Variants in COCH observed in about 807,000 individuals in gnomAD.
COCH encodes coagulation factor C homolog, cochlin (Limulus polyphemus).
Under a neutral mutation model 54.8 loss-of-function variants are expected in COCH, and 40 were observed. The observed-to-expected ratio is 0.73, with a 90% CI of 0.57 to 0.95. The LOEUF (loss-of-function observed/expected upper bound fraction) is 0.95. Among genes scored for constraint, COCH ranks in the 40% least tolerant of loss-of-function variants. COCH has a pLI of 0.00. For missense variants in COCH, 605 were observed against 675.0 expected (o/e 0.90, Z 1.15); for synonymous variants, 256 against 237.9 (o/e 1.08, Z -0.70).
Position 30,889,757 on chromosome 14 carries a change from G to C in COCH, c.1619G>C (p.Gly540Ala), listed in dbSNP as rs748322615. ...CCAATTGTTTCTGATGTCATCAGAG[G>C]CATTTGTAGAGATTTCTTAGAATCC... ...LEPIVSDVIR[G>A]ICRDFLESQQ The change falls in exon 12 of 12, where the codon GGC (glycine) becomes GCC (alanine). Residue 540 changes from glycine (G) to alanine (A), a missense_variant. By Grantham distance (60) the Gly-to-Ala change is moderately conservative. Transcript: ENST00000396618. 6.2e-7 allele frequency: 1 copy of C among 1,611,102 alleles called. No homozygotes were observed. Among genetic ancestry groups the C allele is most frequent in the South Asian group, 1.1e-5 (1 of 90,976 alleles).
chr14:30,892,631 A>AG (rs935796837), downstream of COCH, among the ~76,000 whole-genome samples: 2 of 152,206 alleles, frequency 1.3e-5, no homozygotes, highest in African/African-American at 4.8e-5. Flanking sequence ...AACATGGTAA[A>AG]GCCCTGTCTC....
chr14:30,880,630 T>C lies in COCH; in HGVS notation c.525T>C (p.Asn175=), dbSNP rs1237569439. 3 of 1,614,014 alleles carry C rather than the reference T, an allele frequency of 1.9e-6. No homozygotes were observed. The highest frequency in any genetic ancestry group is 2.5e-6 in the Non-Finnish European group (3 of 1,180,038). The change falls in exon 8 of 12, where the codon AAT becomes AAC. Residue 175 remains asparagine, a synonymous_variant. Coordinates refer to ENST00000396618, the MANE Select transcript of COCH (RefSeq NM_004086.3). ...CATTTCTGATTGATGGAAGCTTTAA[T>C]ATTGGGCAGCGCCGATTTAATTTAC... The part of the protein sequence containing the change: ...DIAFLIDGSF[N]IGQRRFNLQK...
chr14:30,884,431 C>A, intron 8 of COCH, 122 bp from the exon 9 acceptor site: 1 of 703,214 alleles, frequency 1.4e-6, no homozygotes, highest in Non-Finnish European at 2.6e-6. Flanking sequence ...TGACTATGTA[C>A]TATGGAATTA....
chr14:30,883,942 C>T (rs990847381), intron 8 of COCH, among the ~76,000 whole-genome samples: 29 of 152,114 alleles, frequency 1.9e-4, no homozygotes, highest in South Asian at 4.2e-4. Flanking sequence ...AAAATGTTGA[C>T]GGTCACATCA....
At chr14:30,895,224 T>C (rs957962162), downstream of COCH, 4 of 621,602 alleles carry the variant, frequency 6.4e-6, no homozygotes, top group South Asian at 1.1e-4. Context: ...TCCCACAAAA[T>C]ACAGTAATTA....
At chr14:30,880,529 C>CA (rs1403783979) in intron 7 of COCH, 33 bp downstream of exon 7, 9 of 1,613,968 alleles carry the variant, frequency 5.6e-6, no homozygotes, top group Non-Finnish European at 7.6e-6. Flanking sequence ...GGGAAGGTAG[C>CA]ATTTTCCCTC....
intron 9 of COCH, chr14:30,884,946 A>C (rs548206246): frequency 5.0e-6 from 8 of 1,598,262 alleles, no homozygotes; most frequent in Non-Finnish European, 6.8e-6. Flanking sequence ...GTAATGCTAA[A>C]AAGAAGTGAA....
In COCH at chr14:30,874,565, G is replaced by A. The variant is rs534136766; in HGVS notation, c.-50G>A. ...CGCGGGGGCCTTGCCTTCCGCACTCGGGCGCAGCCGGGTGGATCTCGAGCA... is the reference window on the plus strand; with the variant it reads ...CGCGGGGGCCTTGCCTTCCGCACTCAGGCGCAGCCGGGTGGATCTCGAGCA... On this transcript the variant is annotated 5_prime_UTR_variant, in exon 1 of 12. Coordinates refer to ENST00000396618, the MANE Select transcript of COCH (RefSeq NM_004086.3). 7.0e-5 allele frequency: 29 copies of A among 411,876 alleles called. No individual in the cohort carries two copies. Among genetic ancestry groups the A allele is most frequent in the Admixed American group, 3.5e-4 (9 of 26,048 alleles). 25.5% of individuals were successfully genotyped at this position (411,876 alleles called of 1,614,324 possible).
chr14:30,885,673 C>T (rs1372115927), intron 10 of COCH, 53 bp downstream of exon 10: 1 of 1,464,588 alleles, frequency 6.8e-7, no homozygotes, highest in Non-Finnish European at 9.6e-7. Context: ...CCATTTTGGA[C>T]CTCTAAGTGC....
At chr14:30,894,390 G>C (rs1896071844), downstream of COCH, 1 of 152,496 alleles carries the variant, frequency 6.6e-6, no homozygotes, top group Non-Finnish European at 1.5e-5. Context: ...TAGATATACA[G>C]GTTCCTTTAG....
rs774012347 is a variant in COCH at position 30,875,063 on chromosome 14, T to TCTG, written c.53_55dup (p.Leu18dup). 3.7e-6 allele frequency: 6 copies of TCTG among 1,607,260 alleles called. No homozygotes were observed. Among genetic ancestry groups the TCTG allele is most frequent in the East Asian group, 2.2e-5 (1 of 44,692 alleles). On this transcript the variant is annotated inframe_insertion, in exon 3 of 12. Coordinates refer to ENST00000396618, the MANE Select transcript of COCH (RefSeq NM_004086.3). ...ACGCTTCTCTCTTCGCAGGTGTGTGTCTGCTGCTGCTGCCGGGGCCCGCGG... is the reference window on the plus strand; with the variant it reads ...ACGCTTCTCTCTTCGCAGGTGTGTGTCTGCTGCTGCTGCTGCCGGGGCCCGCGG...
chr14:30,878,448 G>A lies in COCH; in HGVS notation c.240-363G>A, dbSNP rs527318266. ...GGCTGAGGCGGATGGACCACTTGAG[G>A]TCAGGAGTTCGAGACCTAGCCAACA... is the stretch of plus-strand genomic sequence containing the variant. On this transcript the variant is annotated intron_variant, in intron 4 of 11. Coordinates refer to ENST00000396618, the MANE Select transcript of COCH (RefSeq NM_004086.3). Among the ~76,000 whole-genome samples the A allele has an allele frequency of 1.4e-4, 21 of 152,188 alleles. 1 individual carries two copies. In the South Asian group the frequency reaches 4.4e-3, roughly 32 times the overall value.
chr14:30,884,778 G>A, intron 9 of COCH, 122 bp downstream of exon 9: 3 of 1,280,320 alleles, frequency 2.3e-6, no homozygotes, highest in Non-Finnish European at 3.3e-6. Context: ...CTGAAATCTT[G>A]GCTAGGTCTG....
rs77298564 is a variant in COCH at position 30,877,274 on chromosome 14, G to A, written c.83-298G>A. 0.047 allele frequency: 17,697 copies of A among 373,848 alleles called. 559 individuals carry two copies. The highest frequency in any genetic ancestry group is 0.071 in the South Asian group (2,932 of 41,220). 23.2% of individuals were successfully genotyped at this position (373,848 alleles called of 1,614,324 possible). ...AGTTGGAGGTGGATCACTTGAGCTCGGGAATTTGAGCCTAGCTTGGGCAAC... is the reference window on the plus strand; with the variant it reads ...AGTTGGAGGTGGATCACTTGAGCTCAGGAATTTGAGCCTAGCTTGGGCAAC... On this transcript the variant is annotated intron_variant, in intron 3 of 11. Transcript: ENST00000396618. The surrounding 1 kb of genome is among the most constrained non-coding windows in gnomAD (Gnocchi z 8.6).
At chr14:30,884,526 G>T in intron 8 of COCH, 27 bp from the exon 9 acceptor site, 1 of 1,479,206 alleles carries the variant, frequency 6.8e-7, no homozygotes, top group Non-Finnish European at 9.5e-7. Context: ...AATTCTCCCT[G>T]AATAACATTT....
chr14:30,875,126 G>C, intron 3 of COCH, 23 bp downstream of exon 3: 1 of 1,550,808 alleles, frequency 6.4e-7, no homozygotes, highest in Non-Finnish European at 8.7e-7. Context: ...GCTGGGGTGC[G>C]TCCAGGCGGT....
chr14:30,890,691 G>C (rs1895952473), downstream of COCH: 9 of 500,466 alleles, frequency 1.8e-5, no homozygotes, highest in South Asian at 6.1e-4. Flanking sequence ...AGACCAATCT[G>C]AATTGTTTTT....
chr14:30,880,850 T>G (rs761179638), intron 8 of COCH, 116 bp downstream of exon 8: 3 of 783,058 alleles, frequency 3.8e-6, no homozygotes, highest in Middle Eastern at 3.3e-4. Context: ...CAATGTATAG[T>G]GGTCAAATCA....
At chr14:30,879,599 A>C in intron 6 of COCH, 114 bp downstream of exon 6, 12 of 999,836 alleles carry the variant, frequency 1.2e-5, no homozygotes, top group East Asian at 5.0e-5. Context: ...AAGAGAAACA[A>C]AGCAAATACC....
Sources: gnomAD v4.1 joint callset for allele counts (sites outside exome capture counted in the v4.1 genomes callset) on GRCh38, gnomAD v4.1.1 for gene constraint, Gnocchi (gnomAD v3.1) non-coding constraint, MANE v1.5 for transcripts, NCBI Gene and HGNC (gene_info 2026-07-23, HGNC 2026-07-21) for gene names.